PCID2: variants seen among roughly 807,000 people sequenced by gnomAD.
PCID2 encodes PCI domain-containing protein 2.
In PCID2, 41 loss-of-function variants were observed where a neutral mutation model predicts 61.3. The observed-to-expected ratio is 0.67, with a 90% CI of 0.52 to 0.87. PCID2 has a LOEUF of 0.87. Ranked by LOEUF, PCID2 falls within the 40% of genes least tolerant of loss-of-function variation. PCID2 has a pLI of 0.00. For missense variants in PCID2, 392 were observed against 493.4 expected (o/e 0.79, Z 1.95); for synonymous variants, 187 against 177.8 (o/e 1.05, Z -0.41).
intron 1 of PCID2, among the ~76,000 whole-genome samples, chr13:113,206,313 G>A (rs1000845171): frequency 6.6e-6 from 1 of 152,180 alleles, no homozygotes; most frequent in Admixed American, 6.5e-5. Context: ...AAGTCTTATT[G>A]TCTTTAAAGT....
chr13:113,200,589 T>C (rs1057070439), intron 1 of PCID2, 73 bp from the exon 2 acceptor site: 6 of 949,588 alleles, frequency 6.3e-6, no homozygotes, highest in Non-Finnish European at 8.5e-6. Flanking sequence ...AACAATACAC[T>C]GAATGCCACA....
chr13:113,166,446 G>A, the PCID2 span: 1 of 152,242 alleles, frequency 6.6e-6, no homozygotes, highest in South Asian at 2.1e-4. Flanking sequence ...AAGCCCCTGA[G>A]GTTTCTGTGT....
chr13:113,178,326 G>A lies in PCID2; in HGVS notation c.1111-39C>T. 3 of 1,478,248 alleles carry A rather than the reference G, an allele frequency of 2.0e-6. No homozygotes were observed. In the Admixed American group the frequency reaches 5.0e-5, roughly 25 times the overall value. The allele number at this position is 1,478,248 out of a possible 1,614,324, so 91.6% of individuals were successfully genotyped here. ...AGGGAGGAATGCGTTTACATTTTTGGATCTGAGTCATGTCAAAGATGCTGG... is the reference window on the plus strand; with the variant it reads ...AGGGAGGAATGCGTTTACATTTTTGAATCTGAGTCATGTCAAAGATGCTGG... On this transcript the variant is annotated intron_variant, in intron 13 of 13. Coordinates refer to ENST00000337344, the MANE Select transcript of PCID2 (RefSeq NM_001127202.4).
Position 113,184,407 on chromosome 13 carries a change from C to CT in PCID2, c.623dup (p.Arg209GlufsTer15). 1 of 1,609,092 alleles carries CT rather than the reference C, an allele frequency of 6.2e-7. No homozygotes were observed. The highest frequency in any genetic ancestry group is 1.1e-5 in the South Asian group (1 of 90,998). On this transcript the variant is annotated frameshift_variant, in exon 9 of 14. Transcript: ENST00000337344. LOFTEE classifies it high-confidence loss of function. ...CAACGTAGTATTTGTATGTTACTCT[C>CT]TGTGCAGTGCTGTAATCGTCTTTCA... is the stretch of plus-strand genomic sequence containing the variant.
At chr13:113,192,113 C>A (rs1401273782) in intron 6 of PCID2, among the ~76,000 whole-genome samples, 1 of 152,086 alleles carries the variant, frequency 6.6e-6, no homozygotes, top group Non-Finnish European at 1.5e-5. Context: ...TTTAAATTAG[C>A]CCGGTATCAT....
chr13:113,172,390 T>C, the PCID2 span: 1 of 431,676 alleles, frequency 2.3e-6, no homozygotes, highest in Non-Finnish European at 4.3e-6. Flanking sequence ...TAAAGCAGCC[T>C]GGTTTCCAGA....
At chr13:113,172,568 GC>G, downstream of PCID2, among the ~76,000 whole-genome samples, 1 of 152,260 alleles carries the variant, frequency 6.6e-6, no homozygotes, top group Non-Finnish European at 1.5e-5. Flanking sequence ...GAGGACCATG[GC>G]TCAGTGCAGA....
chr13:113,165,114 G>A, the PCID2 span: 12 of 1,611,494 alleles, frequency 7.4e-6, no homozygotes, highest in South Asian at 3.3e-5. Context: ...AGGACCTCCC[G>A]TGGCAGGTAA....
In PCID2 at chr13:113,204,769, G is replaced by A. The variant is rs960802537; in HGVS notation, c.36+3830C>T. 7.2e-5 allele frequency among the ~76,000 whole-genome samples: 11 copies of A among 152,310 alleles called. No individual in the cohort carries two copies. In the East Asian group the frequency reaches 1.2e-3, roughly 16 times the overall value. On this transcript the variant is annotated intron_variant, in intron 1 of 13. Coordinates refer to ENST00000337344, the MANE Select transcript of PCID2 (RefSeq NM_001127202.4). Reference sequence around the variant, plus strand: ...GAAGAGGAAAAGCAGGGATGGCAACGGACGGTACTTGCAAGCCCTAAAGGT... The same window carrying A: ...GAAGAGGAAAAGCAGGGATGGCAACAGACGGTACTTGCAAGCCCTAAAGGT...
In PCID2 at chr13:113,178,373, T is replaced by G. The variant is rs2037300190; in HGVS notation, c.1111-86A>C. ...CTGGGTGATCTAATTAATTTGGCAT[T>G]AGCATTCTTCCCCAAGAGCGGCACA... On this transcript the variant is annotated intron_variant, in intron 13 of 13. Transcript: ENST00000337344. 5 of 969,350 alleles carry G rather than the reference T, an allele frequency of 5.2e-6. No homozygotes were observed. In the Admixed American group the frequency reaches 7.3e-5, roughly 14 times the overall value. The allele number at this position is 969,350 out of a possible 1,614,324, so 60.0% of individuals were successfully genotyped here.
intron 1 of PCID2, chr13:113,208,174 C>T: frequency 6.3e-7 from 1 of 1,585,128 alleles, no homozygotes; most frequent in African/African-American, 1.3e-5. Flanking sequence ...ACTCCTCCAT[C>T]GCCTCCTGGA....
intron 6 of PCID2, among the ~76,000 whole-genome samples, chr13:113,192,774 A>G (rs2038721399): frequency 1.3e-5 from 2 of 152,130 alleles, no homozygotes; most frequent in Admixed American, 1.3e-4. Context: ...GTAAGCTAAT[A>G]TACTCCAAAT....
At position 113,178,206 on chromosome 13, in the gene PCID2, C is replaced by T; in HGVS notation, c.1192G>A (p.Val398Met). The part of the protein sequence containing the change: ...KQNPFPPLST[V>M]C ...CGGGGCTCCGTGTACTTTCAACACA[C>T]CGTGGACAGGGGAGGAAATGGGTTC... Residue 398 changes from valine to methionine, a missense_variant, in exon 14 of 14, where the codon GTG (valine) becomes ATG (methionine). Val to Met is a conservative substitution (Grantham distance 21). Coordinates refer to ENST00000337344, the MANE Select transcript of PCID2 (RefSeq NM_001127202.4). 3 of 1,613,002 alleles carry T rather than the reference C, an allele frequency of 1.9e-6. No individual in the cohort carries two copies. Among genetic ancestry groups the T allele is most frequent in the Non-Finnish European group, 2.5e-6 (3 of 1,179,086 alleles).
At chr13:113,200,357 C>T (rs372514941) in intron 2 of PCID2, 70 bp downstream of exon 2, 8 of 882,722 alleles carry the variant, frequency 9.1e-6, no homozygotes, top group South Asian at 2.8e-5. Context: ...TCAAACTCTA[C>T]GCTTCTCTTA....
Position 113,191,057 on chromosome 13 carries a change from A to G in PCID2, c.364-82T>C, listed in dbSNP as rs561521782. On this transcript the variant is annotated intron_variant, in intron 6 of 13. Transcript: ENST00000337344. ...GTCCAGGCTGGACTGCAGTGGCACA[A>G]TCACACCTCACTGCAGCCTCAACCT... The G allele has an allele frequency of 3.4e-4, 302 of 880,290 alleles. 1 individual carries two copies. The East Asian group carries it at 8.1e-3, about 24-fold the overall frequency. 54.5% of individuals were successfully genotyped at this position (880,290 alleles called of 1,614,324 possible). A position where few individuals can be genotyped will look rare whatever the true frequency, so the allele number is the denominator to read the frequency against.
the PCID2 span, chr13:113,172,199 A>G: frequency 2.6e-6 from 4 of 1,514,294 alleles, no homozygotes; most frequent in South Asian, 3.5e-5. Context: ...TTCATCACAC[A>G]CTGAGAGGCC....
intron 1 of PCID2, among the ~76,000 whole-genome samples, chr13:113,201,669 G>A (rs971039663): frequency 9.2e-5 from 14 of 151,864 alleles, no homozygotes; most frequent in Non-Finnish European, 1.5e-4. Context: ...AAAATTAGCC[G>A]GGTGTGGTGG....
chr13:113,184,773 G>T (rs2138712939), intron 8 of PCID2, among the ~76,000 whole-genome samples: 1 of 151,396 alleles, frequency 6.6e-6, no homozygotes, highest in Non-Finnish European at 1.5e-5. Context: ...GCCGTTCCAG[G>T]GGGCACAGCC....
the PCID2 span, chr13:113,170,617 C>A: frequency 1.2e-6 from 1 of 864,816 alleles, no homozygotes; most frequent in Non-Finnish European, 2.0e-6. Context: ...TAAAACTGGA[C>A]TGTTTCTAAT....
Sources: allele counts gnomAD v4.1 joint callset (sites outside exome capture counted in the v4.1 genomes callset), GRCh38; gene constraint gnomAD v4.1.1; transcripts MANE v1.5; gene names NCBI Gene and HGNC (gene_info 2026-07-23, HGNC 2026-07-21).